Variants in BTRC observed in about 807,000 individuals in gnomAD.
BTRC encodes the protein F-box/WD repeat-containing protein 1A.
Under a neutral mutation model 85.5 loss-of-function variants are expected in BTRC, and 42 were observed. That is an observed-to-expected ratio of 0.49 (90% CI 0.38 to 0.64). BTRC has a LOEUF of 0.64. BTRC is among the 30% of genes least tolerant of loss of function. The probability of loss-of-function intolerance (pLI) is 0.00; values close to 1 mark genes in which losing one functional copy is unlikely to be tolerated. For synonymous variants in BTRC, 255 were observed against 263.3 expected (o/e 0.97, Z 0.30); for missense variants, 594 against 743.5 (o/e 0.80, Z 2.34).
At chr10:101,443,118 G>A (rs572370004) in intron 2 of BTRC, among the ~76,000 whole-genome samples, 109 of 152,052 alleles carry the variant, frequency 7.2e-4, no homozygotes, top group Non-Finnish European at 1.4e-3. Flanking sequence ...TCCTGACCTC[G>A]TGATCCGCCT....
chr10:101,541,008 C>A (rs1272742848), intron 13 of BTRC, among the ~76,000 whole-genome samples: 2 of 151,860 alleles, frequency 1.3e-5, no homozygotes, highest in Non-Finnish European at 2.9e-5. Context: ...TATTTTTAAA[C>A]CTTGGTTTCT....
intron 1 of BTRC, among the ~76,000 whole-genome samples, chr10:101,403,087 G>T (rs1486229169): frequency 6.6e-6 from 1 of 152,202 alleles, no homozygotes; most frequent in African/African-American, 2.4e-5. Flanking sequence ...CATTTTTAAA[G>T]ACTTAAATTA....
At chr10:101,462,296 C>A (rs1411475794) in intron 3 of BTRC, among the ~76,000 whole-genome samples, 1 of 152,138 alleles carries the variant, frequency 6.6e-6, no homozygotes, top group Non-Finnish European at 1.5e-5. Context: ...AGTATAAAAA[C>A]AGATCTGCCT....
intron 4 of BTRC, among the ~76,000 whole-genome samples, chr10:101,512,579 A>G (rs1022947495): frequency 6.6e-6 from 1 of 152,224 alleles, no homozygotes; most frequent in Admixed American, 6.5e-5. Context: ...CAGTTAGTAA[A>G]GTCAGCATAC....
chr10:101,510,098 C>T (rs766969289), intron 4 of BTRC, among the ~76,000 whole-genome samples: 7 of 151,886 alleles, frequency 4.6e-5, no homozygotes, highest in Non-Finnish European at 8.8e-5. Context: ...TGCACCATTG[C>T]ACTCCAGCCT....
At chr10:101,485,684 G>T (rs754872515) in intron 4 of BTRC, among the ~76,000 whole-genome samples, 3 of 152,098 alleles carry the variant, frequency 2.0e-5, no homozygotes, top group Non-Finnish European at 4.4e-5. Flanking sequence ...CAGCTGTTGG[G>T]AACCACTGAT....
chr10:101,387,310 AT>A (rs922934920), intron 1 of BTRC, among the ~76,000 whole-genome samples: 14 of 149,496 alleles, frequency 9.4e-5, no homozygotes, highest in African/African-American at 2.7e-4. Flanking sequence ...TCAGTCATTT[AT>A]TTTTTTTTGT....
rs761471014 is a variant in BTRC at position 101,521,812 on chromosome 10, G to A, written c.498G>A (p.Gly166=). 65 of 1,613,846 alleles carry A rather than the reference G, an allele frequency of 4.0e-5. No homozygotes were observed. The South Asian group carries it at 6.9e-4, about 17-fold the overall frequency. Residue 166 remains glycine, a synonymous_variant, in exon 5 of 15, where the codon GGG becomes GGA. Coordinates refer to ENST00000370187, the MANE Select transcript of BTRC (RefSeq NM_033637.4). ...CCCAAATGTGTCATTACCAACATGG[G>A]CACATAAACTCGTATCTTAAACCTA... ...LISQMCHYQH[G]HINSYLKPML... is the part of the protein sequence containing the mutation.
chr10:101,455,961 G>A (rs1236855123), intron 2 of BTRC, among the ~76,000 whole-genome samples: 2 of 74,902 alleles, frequency 2.7e-5, no homozygotes, highest in African/African-American at 1.2e-4. Context: ...GGCCAACATG[G>A]TGAAACTCTG....
chr10:101,500,705 T>A (rs1946379235), intron 4 of BTRC, among the ~76,000 whole-genome samples: 1 of 152,146 alleles, frequency 6.6e-6, no homozygotes, highest in African/African-American at 2.4e-5. Flanking sequence ...ACCTTAAAGC[T>A]TTTAAGATTT....
At chr10:101,389,459 A>G (rs1162164335) in intron 1 of BTRC, among the ~76,000 whole-genome samples, 2 of 151,864 alleles carry the variant, frequency 1.3e-5, no homozygotes, top group East Asian at 3.9e-4. Flanking sequence ...AAATGTTCTA[A>G]TATCTTCCTT....
intron 7 of BTRC, 65 bp downstream of exon 7, chr10:101,531,398 A>T (rs1035444121): frequency 3.1e-5 from 39 of 1,266,304 alleles, no homozygotes; most frequent in Non-Finnish European, 4.3e-5. Flanking sequence ...CTTCAGTCAC[A>T]GTATGGTTAC....
At chr10:101,516,899 A>G (rs1177165712) in intron 4 of BTRC, among the ~76,000 whole-genome samples, 4 of 152,192 alleles carry the variant, frequency 2.6e-5, no homozygotes, top group Non-Finnish European at 4.4e-5. Context: ...ACTCATGTCC[A>G]TTTCCACCTT....
Position 101,479,508 on chromosome 10 carries a change from A to G in BTRC, c.324+51A>G, listed in dbSNP as rs894496354. ...TATTACACCACACCATAACAGTGCC[A>G]TATCTGTAGGCATCTTTACTCAGTA... On this transcript the variant is annotated intron_variant, in intron 4 of 14. Coordinates refer to ENST00000370187, the MANE Select transcript of BTRC (RefSeq NM_033637.4). 49 of 1,412,264 alleles carry G rather than the reference A, an allele frequency of 3.5e-5. No homozygotes were observed. The Admixed American group carries it at 4.3e-4, about 12-fold the overall frequency. The allele number at this position is 1,412,264 out of a possible 1,614,324, so 87.5% of individuals were successfully genotyped here.
chr10:101,366,968 A>ATATATATTAATATATATTTT (rs1564730610), intron 1 of BTRC, among the ~76,000 whole-genome samples: 2 of 33,164 alleles, frequency 6.0e-5, no homozygotes, highest in Non-Finnish European at 1.6e-4. Flanking sequence ...ATTTATATAA[A>ATATATATTAATATATATTTT]TATATATTTA....
intron 1 of BTRC, among the ~76,000 whole-genome samples, chr10:101,414,832 A>G (rs1327763967): frequency 6.6e-6 from 1 of 151,620 alleles, no homozygotes. Flanking sequence ...AGATGTAAGG[A>G]AAAATATTTT....
At chr10:101,498,164 C>A (rs1217844380) in intron 4 of BTRC, among the ~76,000 whole-genome samples, 2 of 151,902 alleles carry the variant, frequency 1.3e-5, no homozygotes, top group Non-Finnish European at 2.9e-5. Context: ...TCTTAAGCTG[C>A]TTTTTTTGAG....
At chr10:101,366,916 AT>A (rs1355141903) in intron 1 of BTRC, among the ~76,000 whole-genome samples, 76 of 2,152 alleles carry the variant, frequency 0.035, 9 homozygotes, top group Non-Finnish European at 0.24. Flanking sequence ...ATTAATATAT[AT>A]TTATATATAT....
At chr10:101,482,506 C>T (rs1039921818) in intron 4 of BTRC, among the ~76,000 whole-genome samples, 1 of 150,976 alleles carries the variant, frequency 6.6e-6, no homozygotes, top group Non-Finnish European at 1.5e-5. Context: ...CGCCATTTTC[C>T]TGCCTCAGCC....
Sources: gnomAD v4.1 joint callset for allele counts (sites outside exome capture counted in the v4.1 genomes callset) on GRCh38, gnomAD v4.1.1 for gene constraint, MANE v1.5 for transcripts, NCBI Gene and HGNC (gene_info 2026-07-23, HGNC 2026-07-21) for gene names.